Variants in CEP57L1 observed in about 807,000 individuals in gnomAD.
The protein encoded by CEP57L1 is centrosomal protein 57 like 1.
Under a neutral mutation model 61.0 loss-of-function variants are expected in CEP57L1, and 37 were observed. The ratio of observed to expected loss-of-function variants is 0.61; its 90% CI spans 0.47 to 0.80. The LOEUF is 0.80. Ranked by LOEUF, CEP57L1 falls within the 30% of genes least tolerant of loss-of-function variation. The probability of loss-of-function intolerance (pLI) is 0.00; values close to 1 mark genes in which losing one functional copy is unlikely to be tolerated. For synonymous variants in CEP57L1, 137 were observed against 162.3 expected, an observed-to-expected ratio of 0.84 and a Z score of 1.19; for missense variants, 422 against 524.7, an observed-to-expected ratio of 0.80 and a Z score of 1.91.
chr6:109,162,741 C>A lies in CEP57L1; in HGVS notation c.1162-8C>A. Reference sequence around the variant, plus strand: ...TGACTAAAATGTTAGATTTTTTTTTCTCTCCAGGTCTGTAAACTGCAGCAA... The same window carrying A: ...TGACTAAAATGTTAGATTTTTTTTTATCTCCAGGTCTGTAAACTGCAGCAA... On this transcript the variant is annotated splice_polypyrimidine_tract_variant and splice_region_variant and intron_variant, in intron 10 of 10. Coordinates refer to ENST00000517392, the MANE Select transcript of CEP57L1 (RefSeq NM_001271852.3). The A allele has an allele frequency of 6.5e-7, 1 of 1,547,896 alleles. No individual in the cohort carries two copies. The highest frequency in any genetic ancestry group is 8.7e-7 in the Non-Finnish European group (1 of 1,144,122).
intron 1 of CEP57L1, among the ~76,000 whole-genome samples, chr6:109,098,124 TTCTC>T (rs1235348073): frequency 2.0e-5 from 3 of 151,878 alleles, no homozygotes; most frequent in Admixed American, 6.6e-5. Context: ...ATGACTACTT[TTCTC>T]TCTCTCTCTT....
chr6:109,135,251 A>G (rs934030840), intron 1 of CEP57L1, among the ~76,000 whole-genome samples: 3 of 152,200 alleles, frequency 2.0e-5, no homozygotes, highest in African/African-American at 7.2e-5. Flanking sequence ...GCCGTCAGAA[A>G]TAATGCCACA....
At chr6:109,139,107 G>A (rs1040958321) in intron 1 of CEP57L1, among the ~76,000 whole-genome samples, 1 of 152,186 alleles carries the variant, frequency 6.6e-6, no homozygotes, top group Non-Finnish European at 1.5e-5. Context: ...CACAAGCACT[G>A]TGATACTATG....
At position 109,170,757 on chromosome 6, in the gene CEP57L1, A is replaced by T. The variant is rs1392173611; in HGVS notation, c.*7787A>T. On this transcript the variant is annotated 3_prime_UTR_variant, in exon 11 of 11. Coordinates refer to ENST00000517392, the MANE Select transcript of CEP57L1 (RefSeq NM_001271852.3). The stretch of plus-strand genomic sequence containing the variant: ...AAAAGTATCTTTAATATCTTACAAA[A>T]TATTTTCAGAGATAGCTTATCCAAA... Among the ~76,000 whole-genome samples the T allele has an allele frequency of 6.6e-6, 1 of 152,190 alleles. No homozygotes were observed. The highest frequency in any genetic ancestry group is 1.5e-5 in the Non-Finnish European group (1 of 68,030).
chr6:109,161,542 A>G (rs1404154185), intron 10 of CEP57L1, among the ~76,000 whole-genome samples: 1 of 152,302 alleles, frequency 6.6e-6, no homozygotes, highest in South Asian at 2.1e-4. Flanking sequence ...GATGCAGAAT[A>G]TTATTACTTT....
Position 109,163,026 on chromosome 6 carries a change from T to A in CEP57L1, c.*56T>A. ...TTTGTCAGTGAGACCTTGAATTGTCTAAAGTGGTTTTAATTTAATATAACT... is the reference window on the plus strand; with the variant it reads ...TTTGTCAGTGAGACCTTGAATTGTCAAAAGTGGTTTTAATTTAATATAACT... On this transcript the variant is annotated 3_prime_UTR_variant, in exon 11 of 11. Transcript: ENST00000517392. 1 of 1,075,456 alleles carries A rather than the reference T, an allele frequency of 9.3e-7. No homozygotes were observed. Among genetic ancestry groups the A allele is most frequent in the Non-Finnish European group, 1.4e-6 (1 of 720,372 alleles). The allele number at this position is 1,075,456 out of a possible 1,614,324, so 66.6% of individuals were successfully genotyped here.
intron 1 of CEP57L1, among the ~76,000 whole-genome samples, chr6:109,132,129 A>T (rs1469529774): frequency 1.3e-5 from 2 of 152,178 alleles, no homozygotes; most frequent in Admixed American, 1.3e-4. Flanking sequence ...ATCTTAACCT[A>T]AAGGTTTAGT....
rs142587137 is a variant in CEP57L1 at position 109,116,573 on chromosome 6, A to G, written c.-4+20998A>G. Among the ~76,000 whole-genome samples the G allele has an allele frequency of 8.5e-3, 1,290 of 152,256 alleles. 22 individuals are homozygous for G. Among genetic ancestry groups the G allele is most frequent in the African/African-American group, 0.029 (1,222 of 41,546 alleles). ...ATAGGTACAGTTTCAATCTTTTTCT[A>G]GGTTCTGATTGTCATAAAGCTTTTG... On this transcript the variant is annotated intron_variant, in intron 1 of 10. Transcript: ENST00000517392.
intron 1 of CEP57L1, among the ~76,000 whole-genome samples, chr6:109,099,525 C>CTTTTATTTATTTATTTAT (rs529574526): frequency 6.6e-6 from 1 of 151,722 alleles, no homozygotes; most frequent in African/African-American, 2.4e-5. Context: ...CAGATGGGTA[C>CTTTTATTTATTTATTTAT]TTTTATTTAT....
At chr6:109,131,588 C>T (rs1774212302) in intron 1 of CEP57L1, among the ~76,000 whole-genome samples, 1 of 151,286 alleles carries the variant, frequency 6.6e-6, no homozygotes, top group African/African-American at 2.4e-5. Flanking sequence ...ATGTCTAAAG[C>T]TATTACAGTA....
intron 1 of CEP57L1, among the ~76,000 whole-genome samples, chr6:109,100,689 A>G (rs960912199): frequency 1.3e-5 from 2 of 149,054 alleles, no homozygotes; most frequent in Non-Finnish European, 2.9e-5. Context: ...AAAAAAAAAA[A>G]AAAGAAGAAA....
At chr6:109,121,076 G>C (rs1772916899) in intron 1 of CEP57L1, among the ~76,000 whole-genome samples, 2 of 152,214 alleles carry the variant, frequency 1.3e-5, no homozygotes, top group South Asian at 4.1e-4. Flanking sequence ...TATATCATTT[G>C]CTCTAGACAG....
chr6:109,169,127 A>G lies in CEP57L1; in HGVS notation c.*6157A>G, dbSNP rs1392986226. 2.7e-5 allele frequency among the ~76,000 whole-genome samples: 4 copies of G among 150,864 alleles called. No homozygotes were observed. The highest frequency in any genetic ancestry group is 7.3e-5 in the African/African-American group (3 of 41,150). On this transcript the variant is annotated 3_prime_UTR_variant, in exon 11 of 11. Transcript: ENST00000517392. Reference sequence around the variant, plus strand: ...TGTAATCCCGGGTACTCGGGAGGCTAAGGCCAGAGGATTGCTTGAACCAGG... The same window carrying G: ...TGTAATCCCGGGTACTCGGGAGGCTGAGGCCAGAGGATTGCTTGAACCAGG...
Position 109,145,320 on chromosome 6 carries a change from T to C in CEP57L1, c.99T>C (p.Asn33=), listed in dbSNP as rs748556663. ...TCACCCAGAATGAACCATCTCAGAA[T>C]TGCCATCCTGCAAACTTAGAAGTTA... The part of the protein sequence containing the change: ...PSFTQNEPSQ[N]CHPANLEVTS... Residue 33 remains asparagine, a synonymous_variant, in exon 2 of 11, where the codon AAT becomes AAC. Coordinates refer to ENST00000517392, the MANE Select transcript of CEP57L1 (RefSeq NM_001271852.3). 5.0e-6 allele frequency: 8 copies of C among 1,611,852 alleles called. No individual in the cohort carries two copies. Among genetic ancestry groups the C allele is most frequent in the Non-Finnish European group, 6.8e-6 (8 of 1,178,612 alleles).
rs1332604178 is a variant in CEP57L1 at position 109,172,612 on chromosome 6, G to A, written c.*9642G>A. On this transcript the variant is annotated 3_prime_UTR_variant, in exon 11 of 11. Coordinates refer to ENST00000517392, the MANE Select transcript of CEP57L1 (RefSeq NM_001271852.3). ...TTGTTTTTTGTTTTCTGACCCAAAA[G>A]TGATGTGCATTGCTTACCTATCATG... Among the ~76,000 whole-genome samples, 1 of 152,176 alleles carries A rather than the reference G, an allele frequency of 6.6e-6. No homozygotes were observed. Among genetic ancestry groups the A allele is most frequent in the African/African-American group, 2.4e-5 (1 of 41,448 alleles).
intron 7 of CEP57L1, chr6:109,158,750 C>A: frequency 1.9e-6 from 1 of 523,450 alleles, no homozygotes; most frequent in Non-Finnish European, 3.5e-6. Flanking sequence ...GTGTGCTTGC[C>A]AACATTTGTT....
At chr6:109,124,840 G>C (rs909367979) in intron 1 of CEP57L1, among the ~76,000 whole-genome samples, 1 of 152,160 alleles carries the variant, frequency 6.6e-6, no homozygotes, top group Non-Finnish European at 1.5e-5. Context: ...CCCAGACTCT[G>C]GGTCAGATGC....
At position 109,145,109 on chromosome 6, in the gene CEP57L1, A is replaced by G. The variant is rs980133310; in HGVS notation, c.-3-110A>G. 12 of 590,588 alleles carry G rather than the reference A, an allele frequency of 2.0e-5. No individual in the cohort carries two copies. In the African/African-American group the frequency reaches 2.3e-4, roughly 11 times the overall value. The allele number at this position is 590,588 out of a possible 1,614,324, so 36.6% of individuals were successfully genotyped here. A position where few individuals can be genotyped will look rare whatever the true frequency, so the allele number is the denominator to read the frequency against. On this transcript the variant is annotated intron_variant, in intron 1 of 10. Transcript: ENST00000517392. ...TTATAATTAAGTTCATAAAGATACAACTCCACAGTATATGATTATGTTTTT... is the reference window on the plus strand; with the variant it reads ...TTATAATTAAGTTCATAAAGATACAGCTCCACAGTATATGATTATGTTTTT...
At chr6:109,143,850 T>G (rs1042668760) in intron 1 of CEP57L1, among the ~76,000 whole-genome samples, 1 of 152,104 alleles carries the variant, frequency 6.6e-6, no homozygotes, top group Admixed American at 6.5e-5. Context: ...CTTGAGTAGC[T>G]CCAGTATTCT....
Sources: allele counts gnomAD v4.1 joint callset (sites outside exome capture counted in the v4.1 genomes callset), GRCh38; gene constraint gnomAD v4.1.1; transcripts MANE v1.5; gene names NCBI Gene and HGNC (gene_info 2026-07-23, HGNC 2026-07-21).